Variants in ARMC8 observed in about 807,000 individuals in gnomAD.
ARMC8 encodes armadillo repeat-containing protein 8.
A neutral mutation model predicts 99.3 loss-of-function variants in ARMC8; 20 were observed. That is an observed-to-expected ratio of 0.20 (90% CI 0.14 to 0.29). The LOEUF (loss-of-function observed/expected upper bound fraction) is 0.29, where lower values mean the gene tolerates loss of function less well. ARMC8 is among the 10% of genes least tolerant of loss of function. The pLI is 1.00. For synonymous variants in ARMC8, 263 were observed against 278.3 expected, an observed-to-expected ratio of 0.95 and a Z score of 0.55; for missense variants, 569 against 809.5, an observed-to-expected ratio of 0.70 and a Z score of 3.60.
intron 18 of ARMC8, among the ~76,000 whole-genome samples, chr3:138,276,126 T>C (rs2049268688): frequency 6.6e-6 from 1 of 152,168 alleles, no homozygotes; most frequent in South Asian, 2.1e-4. Context: ...AACAGTATTG[T>C]TTTTGCAGGA....
intron 2 of ARMC8, among the ~76,000 whole-genome samples, chr3:138,213,582 C>CT (rs2044832057): frequency 6.6e-6 from 1 of 152,058 alleles, no homozygotes; most frequent in African/African-American, 2.4e-5. Context: ...TTCGCAACTA[C>CT]AACAGAAGTA....
chr3:138,275,475 C>T (rs991794753), intron 18 of ARMC8, among the ~76,000 whole-genome samples: 3 of 152,168 alleles, frequency 2.0e-5, no homozygotes, highest in African/African-American at 4.8e-5. Flanking sequence ...AGGAGAATGG[C>T]GTGAACCTGG....
chr3:138,279,690 G>GT (rs2049685014), intron 18 of ARMC8, among the ~76,000 whole-genome samples: 1 of 152,154 alleles, frequency 6.6e-6, no homozygotes, highest in African/African-American at 2.4e-5. Flanking sequence ...GTGGAAAGGT[G>GT]TTTAACTACA....
chr3:138,257,065 A>C (rs940045760), intron 12 of ARMC8, among the ~76,000 whole-genome samples: 2 of 152,220 alleles, frequency 1.3e-5, no homozygotes, highest in Non-Finnish European at 2.9e-5. Context: ...AGACCTCTTC[A>C]GATATTAACA....
rs1345085659 is a variant in ARMC8, at chr3:138,237,295, A to T, written c.610-14A>T. The T allele has an allele frequency of 1.2e-6, 2 of 1,608,644 alleles. No homozygotes were observed. The highest frequency in any genetic ancestry group is 1.7e-5 in the Admixed American group (1 of 58,334). Reference sequence around the variant, plus strand: ...AATTAAACACATTTTTTGTTTGTTCATTTATTTTTACAGGTTCGAATGCAA... The same window carrying T: ...AATTAAACACATTTTTTGTTTGTTCTTTTATTTTTACAGGTTCGAATGCAA... On this transcript the variant is annotated splice_polypyrimidine_tract_variant and intron_variant, in intron 7 of 21. Transcript: ENST00000469044.
chr3:138,261,288 A>G (rs1183344159), intron 12 of ARMC8: 2 of 152,218 alleles, frequency 1.3e-5, no homozygotes, highest in Admixed American at 6.5e-5. Flanking sequence ...GTAAGGGAGG[A>G]AGAGTTGGGG....
intron 15 of ARMC8, among the ~76,000 whole-genome samples, chr3:138,269,366 CA>C (rs1234377908): frequency 4.0e-5 from 6 of 151,848 alleles, no homozygotes; most frequent in Non-Finnish European, 8.8e-5. Context: ...TAGAAATTAC[CA>C]AAAATTCATG....
intron 21 of ARMC8, among the ~76,000 whole-genome samples, chr3:138,294,010 T>G (rs1385680188): frequency 6.6e-6 from 1 of 152,144 alleles, no homozygotes; most frequent in Non-Finnish European, 1.5e-5. Flanking sequence ...AAAACCATTC[T>G]TCTAAAAAGA....
At chr3:138,237,616 A>G (rs912018321) in intron 9 of ARMC8, 44 bp downstream of exon 9, 5 of 1,515,178 alleles carry the variant, frequency 3.3e-6, no homozygotes. Context: ...TGCTTTATCA[A>G]TATCTTAGAG....
At chr3:138,212,445 G>C (rs2044753018) in intron 2 of ARMC8, among the ~76,000 whole-genome samples, 1 of 151,720 alleles carries the variant, frequency 6.6e-6, no homozygotes, top group African/African-American at 2.4e-5. Flanking sequence ...GAGTAGCAGG[G>C]ATTACAGGCG....
At chr3:138,205,689 G>C (rs908817025) in intron 1 of ARMC8, among the ~76,000 whole-genome samples, 36 of 152,238 alleles carry the variant, frequency 2.4e-4, no homozygotes, top group Admixed American at 2.3e-3. Flanking sequence ...TGTAATCCCA[G>C]CACTCTGGGA....
At chr3:138,277,506 A>T (rs1223544638) in intron 18 of ARMC8, among the ~76,000 whole-genome samples, 3 of 152,258 alleles carry the variant, frequency 2.0e-5, no homozygotes, top group Non-Finnish European at 4.4e-5. Context: ...ATATCTGACA[A>T]ATGACTTGTG....
chr3:138,278,879 C>T (rs150813299), intron 18 of ARMC8, among the ~76,000 whole-genome samples: 4 of 152,196 alleles, frequency 2.6e-5, no homozygotes, highest in African/African-American at 4.8e-5. Context: ...ATAAAATTTT[C>T]GTATGTCAGT....
intron 2 of ARMC8, among the ~76,000 whole-genome samples, chr3:138,210,608 G>A (rs2044638497): frequency 6.6e-6 from 1 of 152,130 alleles, no homozygotes; most frequent in Non-Finnish European, 1.5e-5. Flanking sequence ...GGCCTGAACT[G>A]TGTCTATGGG....
intron 21 of ARMC8, among the ~76,000 whole-genome samples, chr3:138,293,802 C>T (rs78008228): frequency 0.011 from 1,738 of 152,310 alleles, 19 homozygotes; most frequent in Non-Finnish European, 0.019. Flanking sequence ...TACTTAAAAT[C>T]ATCTCAAGGA....
At chr3:138,242,106 C>G (rs1413426596) in intron 11 of ARMC8, 123 bp downstream of exon 11, 3 of 736,168 alleles carry the variant, frequency 4.1e-6, no homozygotes, top group Non-Finnish European at 6.6e-6. Flanking sequence ...GTTCTTTTAT[C>G]TTTGGTAACA....
intron 18 of ARMC8, among the ~76,000 whole-genome samples, chr3:138,281,177 A>G (rs2049875281): frequency 6.6e-6 from 1 of 152,062 alleles, no homozygotes; most frequent in South Asian, 2.1e-4. Flanking sequence ...CCAGTTGTTC[A>G]TATTAGTATA....
At chr3:138,218,000 C>A (rs960865034) in intron 2 of ARMC8, among the ~76,000 whole-genome samples, 1 of 152,130 alleles carries the variant, frequency 6.6e-6, no homozygotes, top group African/African-American at 2.4e-5. Flanking sequence ...TTTTGTATAA[C>A]CAGATACCTA....
intron 12 of ARMC8, among the ~76,000 whole-genome samples, chr3:138,251,653 C>T (rs1275249558): frequency 2.0e-5 from 3 of 152,240 alleles, no homozygotes; most frequent in Non-Finnish European, 4.4e-5. Flanking sequence ...GGTTTTGCCA[C>T]TTGCCCACAG....
Sources: allele counts gnomAD v4.1 joint callset (sites outside exome capture counted in the v4.1 genomes callset), GRCh38; gene constraint gnomAD v4.1.1; transcripts MANE v1.5; gene names NCBI Gene and HGNC (gene_info 2026-07-23, HGNC 2026-07-21).